NRXN3: variants seen among roughly 807,000 people sequenced by gnomAD.
NRXN3 encodes the protein neurexin III.
NRXN3 carries 32 observed loss-of-function variants against 137.6 expected under a neutral mutation model. The observed-to-expected ratio is 0.23, with a 90% CI of 0.18 to 0.31. The LOEUF is 0.31. Ranked by LOEUF, NRXN3 falls within the 10% of genes least tolerant of loss-of-function variation. NRXN3 has a pLI of 1.00. For missense variants in NRXN3, 1,574 were observed against 2,062.5 expected (o/e 0.76, Z 4.59); for synonymous variants, 798 against 784.5 (o/e 1.02, Z -0.29).
At chr14:78,278,390 G>A (rs1262263207) in intron 2 of NRXN3, among the ~76,000 whole-genome samples, 1 of 152,138 alleles carries the variant, frequency 6.6e-6, no homozygotes, top group East Asian at 1.9e-4. Context: ...TGTCTTTCCG[G>A]ACAGATGTGA....
intron 16 of NRXN3, among the ~76,000 whole-genome samples, chr14:79,505,419 A>C (rs1229159800): frequency 1.3e-5 from 2 of 152,120 alleles, no homozygotes. Context: ...CTGGTATCAA[A>C]ATCCAATTGT....
intron 10 of NRXN3, among the ~76,000 whole-genome samples, chr14:78,900,289 C>G (rs1486378901): frequency 6.6e-6 from 1 of 151,808 alleles, no homozygotes; most frequent in Non-Finnish European, 1.5e-5. Context: ...GACCAAAATG[C>G]CTGCGTTTGA....
chr14:79,437,411 G>A (rs1237162996), intron 15 of NRXN3, among the ~76,000 whole-genome samples: 6 of 148,388 alleles, frequency 4.0e-5, no homozygotes, highest in East Asian at 4.0e-4. Flanking sequence ...TGAAATGTGC[G>A]TTCTAAAAAA....
chr14:79,531,667 A>C (rs1037297072), intron 16 of NRXN3, among the ~76,000 whole-genome samples: 1 of 152,210 alleles, frequency 6.6e-6, no homozygotes, highest in Admixed American at 6.5e-5. Flanking sequence ...CATGATCTTT[A>C]GTATCATCAA....
At chr14:78,456,586 A>G (rs2094708206) in intron 4 of NRXN3, among the ~76,000 whole-genome samples, 1 of 151,822 alleles carries the variant, frequency 6.6e-6, no homozygotes, top group East Asian at 1.9e-4. Context: ...TTCTTTCTTC[A>G]TCCGGCTTTC....
chr14:78,554,210 G>A (rs2096718089), intron 4 of NRXN3, among the ~76,000 whole-genome samples: 1 of 152,178 alleles, frequency 6.6e-6, no homozygotes, highest in South Asian at 2.1e-4. Context: ...GGATGACTGA[G>A]GTGAGCAAGC....
chr14:78,396,482 G>A (rs1293958032), intron 4 of NRXN3, among the ~76,000 whole-genome samples: 1 of 152,082 alleles, frequency 6.6e-6, no homozygotes, highest in East Asian at 1.9e-4. Flanking sequence ...TTTGTTTAGG[G>A]AAATTTTGTT....
intron 15 of NRXN3, among the ~76,000 whole-genome samples, chr14:79,167,904 A>G (rs1250217402): frequency 2.0e-5 from 3 of 147,034 alleles, no homozygotes; most frequent in Admixed American, 2.0e-4. Context: ...CCCCAAATCT[A>G]CCTGCCTTTT....
At chr14:78,324,581 G>A (rs1009221351) in intron 4 of NRXN3, among the ~76,000 whole-genome samples, 1 of 152,112 alleles carries the variant, frequency 6.6e-6, no homozygotes, top group African/African-American at 2.4e-5. Context: ...AATTTACAGA[G>A]ACAGTTAAAC....
At chr14:78,659,247 T>C (rs1206851779) in intron 6 of NRXN3, among the ~76,000 whole-genome samples, 1 of 152,194 alleles carries the variant, frequency 6.6e-6, no homozygotes, top group Non-Finnish European at 1.5e-5. Flanking sequence ...CCAACCTTGC[T>C]GAAACCTTGA....
intron 4 of NRXN3, among the ~76,000 whole-genome samples, chr14:78,622,278 A>T (rs1037544519): frequency 6.6e-6 from 1 of 152,216 alleles, no homozygotes; most frequent in Non-Finnish European, 1.5e-5. Flanking sequence ...TAAAGCAAAC[A>T]TATTTCCAAA....
chr14:79,578,064 CTGA>C (rs2097681781), intron 16 of NRXN3, among the ~76,000 whole-genome samples: 1 of 152,202 alleles, frequency 6.6e-6, no homozygotes, highest in East Asian at 1.9e-4. Flanking sequence ...GCCCTCACTT[CTGA>C]TTTGAATTGC....
intron 15 of NRXN3, among the ~76,000 whole-genome samples, chr14:79,434,549 T>C (rs372947220): frequency 2.6e-5 from 4 of 152,264 alleles, no homozygotes; most frequent in Admixed American, 1.3e-4. Context: ...CAAAAACTCA[T>C]GTCAGTGGTG....
chr14:78,350,660 T>G (rs576977107), intron 4 of NRXN3, among the ~76,000 whole-genome samples: 2 of 152,150 alleles, frequency 1.3e-5, no homozygotes, highest in Non-Finnish European at 2.9e-5. Flanking sequence ...TAAAAAAGAT[T>G]TATGTTTCAG....
At chr14:78,778,027 T>A (rs1172220389) in intron 8 of NRXN3, among the ~76,000 whole-genome samples, 1 of 152,150 alleles carries the variant, frequency 6.6e-6, no homozygotes, top group Non-Finnish European at 1.5e-5. Flanking sequence ...CCTCCCAAAG[T>A]GCTGGGATTA....
intron 10 of NRXN3, among the ~76,000 whole-genome samples, chr14:78,895,745 T>C (rs749340021): frequency 1.2e-4 from 18 of 151,906 alleles, no homozygotes; most frequent in Admixed American, 5.3e-4. Flanking sequence ...TCCTTTCATT[T>C]GAATACTTAG....
At chr14:78,605,768 A>C (rs1331345830) in intron 4 of NRXN3, among the ~76,000 whole-genome samples, 1 of 152,232 alleles carries the variant, frequency 6.6e-6, no homozygotes, top group African/African-American at 2.4e-5. Context: ...TAAATGGTGT[A>C]GTAGTAAACC....
At chr14:79,528,873 G>C (rs2097144984) in intron 16 of NRXN3, among the ~76,000 whole-genome samples, 1 of 152,014 alleles carries the variant, frequency 6.6e-6, no homozygotes, top group South Asian at 2.1e-4. Flanking sequence ...GTATGATTTG[G>C]TTTCACACAG....
chr14:78,683,832 C>A (rs2098100572), intron 6 of NRXN3, among the ~76,000 whole-genome samples: 1 of 152,082 alleles, frequency 6.6e-6, no homozygotes, highest in Admixed American at 6.5e-5. Context: ...TCGTGACTTA[C>A]TTCATAATTT....
Sources: allele counts gnomAD v4.1 joint callset (sites outside exome capture counted in the v4.1 genomes callset), GRCh38; gene constraint gnomAD v4.1.1; transcripts MANE v1.5; gene names NCBI Gene and HGNC (gene_info 2026-07-23, HGNC 2026-07-21).